AKAP6: variants seen among roughly 807,000 people sequenced by gnomAD.
AKAP6 encodes A-kinase anchoring protein 6, also known as A-kinase anchor protein 6.
Under a neutral mutation model 188.5 loss-of-function variants are expected in AKAP6, and 58 were observed. The observed-to-expected ratio is 0.31, with a 90% CI of 0.25 to 0.38. AKAP6 has a LOEUF of 0.38. Ranked by LOEUF, AKAP6 falls within the 10% of genes least tolerant of loss-of-function variation. AKAP6 has a pLI of 1.00. For missense variants in AKAP6, 2,710 were observed against 2,740.0 expected, an observed-to-expected ratio of 0.99 and a Z score of 0.24; for synonymous variants, 989 against 998.6, an observed-to-expected ratio of 0.99 and a Z score of 0.18.
At chr14:32,368,574 G>A (rs1272749932) in intron 1 of AKAP6, among the ~76,000 whole-genome samples, 1 of 152,054 alleles carries the variant, frequency 6.6e-6, no homozygotes. Flanking sequence ...TAGAGGTAGA[G>A]GTGGGGGAAG....
intron 1 of AKAP6, among the ~76,000 whole-genome samples, chr14:32,367,713 A>C (rs1887877693): frequency 6.6e-6 from 1 of 152,174 alleles, no homozygotes; most frequent in Non-Finnish European, 1.5e-5. Context: ...CTTCATAGAC[A>C]TGTGGAATGG....
chr14:32,535,410 C>G, intron 2 of AKAP6, 144 bp from the exon 3 acceptor site: 2 of 972,400 alleles, frequency 2.1e-6, no homozygotes, highest in South Asian at 1.6e-5. Context: ...GGTATCTGAA[C>G]TAAAACAAAG....
chr14:32,507,570 T>G (rs1880943559), intron 2 of AKAP6, among the ~76,000 whole-genome samples: 1 of 152,020 alleles, frequency 6.6e-6, no homozygotes, highest in African/African-American at 2.4e-5. Flanking sequence ...TTTCCATCCT[T>G]TTTTTCCTTC....
At chr14:32,563,267 T>C (rs1884032727) in intron 4 of AKAP6, among the ~76,000 whole-genome samples, 1 of 152,218 alleles carries the variant, frequency 6.6e-6, no homozygotes, top group South Asian at 2.1e-4. Context: ...TCTCAGCTTA[T>C]CACCTGTGTT....
chr14:32,739,986 C>T (rs1324351320), intron 11 of AKAP6, among the ~76,000 whole-genome samples: 1 of 152,100 alleles, frequency 6.6e-6, no homozygotes, highest in African/African-American at 2.4e-5. Flanking sequence ...TTTACATTCC[C>T]ACCAACAGTG....
chr14:32,567,486 A>G (rs1425773091), intron 4 of AKAP6, among the ~76,000 whole-genome samples: 4 of 152,058 alleles, frequency 2.6e-5, no homozygotes, highest in African/African-American at 7.2e-5. Flanking sequence ...TGGCCGTAGC[A>G]TTTTCTTGCT....
At chr14:32,588,290 A>T (rs1348441293) in intron 5 of AKAP6, among the ~76,000 whole-genome samples, 2 of 152,142 alleles carry the variant, frequency 1.3e-5, no homozygotes, top group Non-Finnish European at 2.9e-5. Flanking sequence ...CAGCTCCTTA[A>T]TATTTTATTG....
chr14:32,667,287 C>T (rs1430011423), intron 7 of AKAP6, among the ~76,000 whole-genome samples: 3 of 151,968 alleles, frequency 2.0e-5, no homozygotes, highest in African/African-American at 7.2e-5. Flanking sequence ...GAAAGTTTAC[C>T]TTTTCCAAGG....
chr14:32,551,555 G>A (rs1229890380), intron 4 of AKAP6, among the ~76,000 whole-genome samples: 15 of 139,966 alleles, frequency 1.1e-4, no homozygotes, highest in Non-Finnish European at 1.5e-4. Flanking sequence ...CTGGGCAACG[G>A]AGCAAGACTT....
intron 7 of AKAP6, among the ~76,000 whole-genome samples, chr14:32,627,707 T>G (rs1338781939): frequency 1.3e-5 from 2 of 152,128 alleles, no homozygotes; most frequent in African/African-American, 4.8e-5. Flanking sequence ...TGGAAGTCTC[T>G]CTTGTTAAAA....
intron 1 of AKAP6, among the ~76,000 whole-genome samples, chr14:32,427,448 A>G (rs539362673): frequency 2.0e-4 from 31 of 152,314 alleles, no homozygotes; most frequent in African/African-American, 6.5e-4. Flanking sequence ...TCTATTTAAG[A>G]GCTGAAAGCC....
chr14:32,533,597 G>A (rs186397496), intron 2 of AKAP6, among the ~76,000 whole-genome samples: 5 of 152,326 alleles, frequency 3.3e-5, no homozygotes, highest in East Asian at 1.9e-4. Context: ...GAACTCAGCC[G>A]TGGGAGGGAG....
intron 9 of AKAP6, among the ~76,000 whole-genome samples, chr14:32,697,983 T>G (rs1473945762): frequency 6.6e-6 from 1 of 152,280 alleles, no homozygotes; most frequent in African/African-American, 2.4e-5. Flanking sequence ...TTTTAGGTGC[T>G]TAACATAGCT....
At chr14:32,358,133 A>G (rs1392869154) in intron 1 of AKAP6, among the ~76,000 whole-genome samples, 2 of 152,230 alleles carry the variant, frequency 1.3e-5, no homozygotes, top group Non-Finnish European at 2.9e-5. Context: ...CTTGAAAAGT[A>G]TTAAAGCCTC....
chr14:32,771,363 G>T (rs2032893843), intron 11 of AKAP6, among the ~76,000 whole-genome samples: 1 of 147,232 alleles, frequency 6.8e-6, no homozygotes, highest in Non-Finnish European at 1.5e-5. Flanking sequence ...AAACCCTGCA[G>T]AATTGTGAAT....
chr14:32,564,758 A>G (rs2139219702), intron 4 of AKAP6, among the ~76,000 whole-genome samples: 1 of 152,354 alleles, frequency 6.6e-6, no homozygotes, highest in Non-Finnish European at 1.5e-5. Context: ...CCCAAGCCAC[A>G]GTACTTCCTG....
chr14:32,739,173 C>T (rs1329003234), intron 11 of AKAP6, among the ~76,000 whole-genome samples: 1 of 151,864 alleles, frequency 6.6e-6, no homozygotes, highest in African/African-American at 2.4e-5. Context: ...TCCTCATCAC[C>T]ATCCTGAGAC....
At chr14:32,707,663 T>A (rs1890866321) in intron 9 of AKAP6, among the ~76,000 whole-genome samples, 1 of 152,122 alleles carries the variant, frequency 6.6e-6, no homozygotes, top group South Asian at 2.1e-4. Context: ...AAATATATGT[T>A]GAAACACATA....
chr14:32,660,117 C>T (rs370550734), intron 7 of AKAP6, among the ~76,000 whole-genome samples: 2 of 152,182 alleles, frequency 1.3e-5, no homozygotes, highest in East Asian at 3.9e-4. Flanking sequence ...TGAATGTGTC[C>T]ATTAATGAAG....
Sources: allele counts gnomAD v4.1 joint callset (sites outside exome capture counted in the v4.1 genomes callset), GRCh38; gene constraint gnomAD v4.1.1; transcripts MANE v1.5; gene names NCBI Gene and HGNC (gene_info 2026-07-23, HGNC 2026-07-21).